Variants in MTIF3 observed in about 807,000 individuals in gnomAD.
MTIF3 encodes the protein translation initiation factor IF-3, mitochondrial.
A neutral mutation model predicts 20.7 loss-of-function variants in MTIF3; 13 were observed. That is an observed-to-expected ratio of 0.63 (90% CI 0.41 to 1.00). The LOEUF (loss-of-function observed/expected upper bound fraction) is 1.00. Among genes scored for constraint, MTIF3 ranks in the 50% least tolerant of loss-of-function variants. The probability of loss-of-function intolerance (pLI) is 0.00; values close to 1 mark genes in which losing one functional copy is unlikely to be tolerated. For missense variants in MTIF3, 295 were observed against 324.5 expected (o/e 0.91, Z 0.70); for synonymous variants, 114 against 112.5 (o/e 1.01, Z -0.08).
chr13:27,440,928 A>G (rs746492076), intron 2 of MTIF3: 2 of 169,618 alleles, frequency 1.2e-5, no homozygotes, highest in Non-Finnish European at 2.6e-5. Flanking sequence ...TGTATGCCAT[A>G]TGTATTATAT....
chr13:27,438,016 C>T (rs1485035986), intron 3 of MTIF3, among the ~76,000 whole-genome samples: 2 of 151,658 alleles, frequency 1.3e-5, no homozygotes, highest in Admixed American at 6.6e-5. Flanking sequence ...AAACCATCTA[C>T]GTAGAAAAAT....
chr13:27,436,214 C>T (rs1593183639), intron 4 of MTIF3, among the ~76,000 whole-genome samples: 1 of 152,176 alleles, frequency 6.6e-6, no homozygotes, highest in South Asian at 2.1e-4. Context: ...ACCTCCTCAT[C>T]CCCAAGGTGT....
At chr13:27,445,410 A>C (rs1355234985) in intron 1 of MTIF3, among the ~76,000 whole-genome samples, 1 of 152,000 alleles carries the variant, frequency 6.6e-6, no homozygotes, top group Admixed American at 6.6e-5. Flanking sequence ...CAGGAGGTTG[A>C]GGCTGCAGTG....
intron 1 of MTIF3, among the ~76,000 whole-genome samples, chr13:27,449,457 A>G (rs1443723781): frequency 2.0e-5 from 3 of 151,994 alleles, no homozygotes; most frequent in Non-Finnish European, 4.4e-5. Context: ...CCACCTCTCC[A>G]GTTTCTTCTT....
intron 3 of MTIF3, among the ~76,000 whole-genome samples, chr13:27,439,197 T>C (rs1221021053): frequency 6.6e-6 from 1 of 152,020 alleles, no homozygotes; most frequent in African/African-American, 2.4e-5. Context: ...CACTTCAGAG[T>C]CGAAAAGGTG....
chr13:27,445,372 A>G (rs913465849), intron 1 of MTIF3, among the ~76,000 whole-genome samples: 1 of 151,972 alleles, frequency 6.6e-6, no homozygotes, highest in African/African-American at 2.4e-5. Flanking sequence ...GCTACTGGGG[A>G]GGCTGAGGAA....
Position 27,440,277 on chromosome 13 carries a change from C to T in MTIF3, c.172G>A (p.Ala58Thr), listed in dbSNP as rs766360130. Residue 58 changes from alanine (A) to threonine (T), a missense_variant, in exon 3 of 5, where the codon GCT (alanine) becomes ACT (threonine). Transcript: ENST00000381120. ...FLIHAKAFST[A>T]EDTQNEGKKT... ...TTTCCTTCATTCTGGGTGTCTTCAG[C>T]GGTACTAAAGGCTTTTGCATGAATT... The T allele has an allele frequency of 1.2e-5, 20 of 1,613,946 alleles. No homozygotes were observed. Among genetic ancestry groups the T allele is most frequent in the South Asian group, 8.8e-5 (8 of 91,088 alleles).
At chr13:27,443,877 G>A (rs9581855) in intron 2 of MTIF3, among the ~76,000 whole-genome samples, 21,732 of 151,840 alleles carry the variant, frequency 0.14, 1,851 homozygotes, top group Non-Finnish European at 0.18. Context: ...TTTTATAAGT[G>A]TTATTTTTAT....
chr13:27,444,872 C>T (rs1954124984), intron 2 of MTIF3, among the ~76,000 whole-genome samples: 1 of 152,128 alleles, frequency 6.6e-6, no homozygotes, highest in Non-Finnish European at 1.5e-5. Flanking sequence ...TGTTTGTTTA[C>T]ATGTCATTTA....
rs563909405 is a variant in MTIF3 at position 27,444,479 on chromosome 13, T to A, written c.-2+609A>T. 5.3e-5 allele frequency among the ~76,000 whole-genome samples: 8 copies of A among 152,324 alleles called. No individual in the cohort carries two copies. The South Asian group carries it at 1.7e-3, about 32-fold the overall frequency. The stretch of plus-strand genomic sequence containing the variant: ...AATACTGGCTTTAAATCAGCAAAAT[T>A]GAAAATATACGTTTCTTCAAAACAG... On this transcript the variant is annotated intron_variant, in intron 2 of 4. Transcript: ENST00000381120.
chr13:27,436,121 G>C (rs146301498), intron 4 of MTIF3, among the ~76,000 whole-genome samples: 1 of 152,016 alleles, frequency 6.6e-6, no homozygotes, highest in African/African-American at 2.4e-5. Flanking sequence ...TCTCCACTTC[G>C]TCATGGCACG....
At chr13:27,445,961 G>A (rs973999466) in intron 1 of MTIF3, among the ~76,000 whole-genome samples, 15 of 152,144 alleles carry the variant, frequency 9.9e-5, no homozygotes, top group African/African-American at 3.6e-4. Flanking sequence ...AAAAATCAAG[G>A]AGACATAATT....
intron 2 of MTIF3, 88 bp from the exon 3 acceptor site, chr13:27,440,537 G>A: frequency 9.6e-7 from 1 of 1,046,160 alleles, no homozygotes; most frequent in Non-Finnish European, 1.4e-6. Flanking sequence ...TGTGTGTGAG[G>A]TTGTGGAGGC....
chr13:27,440,289 CT>C lies in MTIF3; in HGVS notation c.159del (p.Ala54ProfsTer52), dbSNP rs1385481290. The C allele has an allele frequency of 6.2e-7, 1 of 1,613,966 alleles. No homozygotes were observed. The highest frequency in any genetic ancestry group is 1.3e-5 in the African/African-American group (1 of 74,866). ...APRLSFLIHA[K>X]AFSTAEDTQN... is the part of the protein sequence containing the mutation. ...TGGGTGTCTTCAGCGGTACTAAAGG[CT>C]TTTGCATGAATTAGGAAGGAGAGTC... On this transcript the variant is annotated frameshift_variant, in exon 3 of 5. Transcript: ENST00000381120. LOFTEE classifies it high-confidence loss of function.
chr13:27,448,695 A>G (rs751493692), intron 1 of MTIF3, among the ~76,000 whole-genome samples: 1 of 152,208 alleles, frequency 6.6e-6, no homozygotes, highest in African/African-American at 2.4e-5. Context: ...AATAATAACC[A>G]TATGTTTTAA....
At chr13:27,450,284 A>C (rs1954324916) in intron 1 of MTIF3, 1 of 152,314 alleles carries the variant, frequency 6.6e-6, no homozygotes, top group Non-Finnish European at 1.5e-5. Context: ...TCTAGGTCTA[A>C]CATCCCTCGG....
intron 1 of MTIF3, among the ~76,000 whole-genome samples, chr13:27,448,227 A>G (rs1954243449): frequency 6.6e-6 from 1 of 152,178 alleles, no homozygotes; most frequent in African/African-American, 2.4e-5. Context: ...AATAACTTCT[A>G]TTATTTGTTC....
Position 27,439,984 on chromosome 13 carries a change from C to T in MTIF3, c.460+5G>A. Reference sequence around the variant, plus strand: ...GATTCAGGGAGCCAACAGCAAAATACCTACCAGTTTTGGGGTTCGCCTTCT... The same window carrying T: ...GATTCAGGGAGCCAACAGCAAAATATCTACCAGTTTTGGGGTTCGCCTTCT... On this transcript the variant is annotated splice_donor_5th_base_variant and intron_variant, in intron 3 of 4. Transcript: ENST00000381120. 1 of 1,611,910 alleles carries T rather than the reference C, an allele frequency of 6.2e-7. No individual in the cohort carries two copies. The highest frequency in any genetic ancestry group is 1.1e-5 in the South Asian group (1 of 91,042).
Position 27,440,263 on chromosome 13 carries a change from C to T in MTIF3, c.186G>A (p.Gln62=). The change falls in exon 3 of 5, where the codon CAG becomes CAA. Residue 62 remains glutamine, a synonymous_variant. Transcript: ENST00000381120. ...AKAFSTAEDT[Q]NEGKKTKKNK... Reference sequence around the variant, plus strand: ...TCTTTTTTGTCTTTTTTCCTTCATTCTGGGTGTCTTCAGCGGTACTAAAGG... The same window carrying T: ...TCTTTTTTGTCTTTTTTCCTTCATTTTGGGTGTCTTCAGCGGTACTAAAGG... The T allele has an allele frequency of 6.2e-7, 1 of 1,613,962 alleles. No individual in the cohort carries two copies. The highest frequency in any genetic ancestry group is 8.5e-7 in the Non-Finnish European group (1 of 1,179,998).
Sources: allele counts gnomAD v4.1 joint callset (sites outside exome capture counted in the v4.1 genomes callset), GRCh38; gene constraint gnomAD v4.1.1; transcripts MANE v1.5; gene names NCBI Gene and HGNC (gene_info 2026-07-23, HGNC 2026-07-21).